Variants in ADAM2 observed in about 807,000 individuals in gnomAD.
The protein encoded by ADAM2 is disintegrin and metalloproteinase domain-containing protein 2.
A neutral mutation model predicts 99.3 loss-of-function variants in ADAM2; 101 were observed. That is an observed-to-expected ratio of 1.02 (90% confidence interval 0.87 to 1.20). ADAM2 has a LOEUF of 1.20. ADAM2 is among the 50% of genes most tolerant of loss of function. The pLI is 0.00. For missense variants in ADAM2, 948 were observed against 878.7 expected, an observed-to-expected ratio of 1.08 and a Z score of -1.00; for synonymous variants, 323 against 287.6, an observed-to-expected ratio of 1.12 and a Z score of -1.25.
chr8:39,793,563 A>G (rs1056975990), intron 7 of ADAM2, among the ~76,000 whole-genome samples: 2 of 152,120 alleles, frequency 1.3e-5, no homozygotes, highest in Non-Finnish European at 2.9e-5. Flanking sequence ...AATCAAGATC[A>G]AGACTGAAAA....
chr8:39,746,423 T>C (rs370795230), intron 19 of ADAM2, 49 bp downstream of exon 19: 139 of 1,245,360 alleles, frequency 1.1e-4, no homozygotes, highest in Non-Finnish European at 1.4e-4. Context: ...CTATTTACTA[T>C]GTTCATAAAT....
In ADAM2 at chr8:39,780,038, T is replaced by C. The variant is rs183093877; in HGVS notation, c.892-2877A>G. The stretch of plus-strand genomic sequence containing the variant: ...TAAAGACATACCCAAGACTGGGTAA[T>C]TTATAAAGAAAAAGAGGTTTAATGG... On this transcript the variant is annotated intron_variant, in intron 10 of 20. Coordinates refer to ENST00000265708, the MANE Select transcript of ADAM2 (RefSeq NM_001464.5). Among the ~76,000 whole-genome samples, 424 of 152,212 alleles carry C rather than the reference T, an allele frequency of 2.8e-3. 2 individuals carry two copies. The highest frequency in any genetic ancestry group is 9.8e-3 in the African/African-American group (409 of 41,536).
intron 6 of ADAM2, among the ~76,000 whole-genome samples, chr8:39,820,274 G>T (rs1805122849): frequency 1.3e-5 from 2 of 152,132 alleles, no homozygotes; most frequent in Admixed American, 6.6e-5. Flanking sequence ...AAGCTTCTTT[G>T]TGTGTCTTGA....
At chr8:39,790,760 C>T (rs1803677132) in intron 7 of ADAM2, among the ~76,000 whole-genome samples, 1 of 151,900 alleles carries the variant, frequency 6.6e-6, no homozygotes. Context: ...TCCAAATCTT[C>T]TCCTCTTTTC....
At chr8:39,814,717 G>A (rs1223707405) in intron 6 of ADAM2, among the ~76,000 whole-genome samples, 1 of 152,010 alleles carries the variant, frequency 6.6e-6, no homozygotes, top group Non-Finnish European at 1.5e-5. Flanking sequence ...GTCCATGTGT[G>A]TGTGTTTCAA....
chr8:39,744,731 C>T, intron 20 of ADAM2, 99 bp downstream of exon 20: 2 of 720,906 alleles, frequency 2.8e-6, no homozygotes, highest in Non-Finnish European at 4.5e-6. Flanking sequence ...CAGCAAACCA[C>T]CATGGCACAT....
intron 16 of ADAM2, among the ~76,000 whole-genome samples, chr8:39,754,997 T>A (rs1802091224): frequency 6.6e-6 from 1 of 152,208 alleles, no homozygotes; most frequent in African/African-American, 2.4e-5. Context: ...AATTAAGTTA[T>A]TACATCTCAG....
At chr8:39,795,775 T>C (rs1563363307) in intron 7 of ADAM2, among the ~76,000 whole-genome samples, 1 of 152,166 alleles carries the variant, frequency 6.6e-6, no homozygotes, top group African/African-American at 2.4e-5. Context: ...CTCAGATACT[T>C]TGTGGTTCAC....
At chr8:39,777,522 C>T (rs896368024) in intron 10 of ADAM2, among the ~76,000 whole-genome samples, 2 of 151,838 alleles carry the variant, frequency 1.3e-5, no homozygotes, top group Non-Finnish European at 2.9e-5. Flanking sequence ...TTGGTCATTA[C>T]CAGAGGCTGG....
intron 6 of ADAM2, among the ~76,000 whole-genome samples, chr8:39,814,584 G>C (rs1804860722): frequency 6.6e-6 from 1 of 152,114 alleles, no homozygotes; most frequent in Non-Finnish European, 1.5e-5. Flanking sequence ...GAAATATTCA[G>C]ATTTAAAAAC....
At chr8:39,830,286 G>A (rs1172024603) in intron 3 of ADAM2, among the ~76,000 whole-genome samples, 1 of 152,034 alleles carries the variant, frequency 6.6e-6, no homozygotes, top group Non-Finnish European at 1.5e-5. Flanking sequence ...TCAAATACAG[G>A]ACTACACTAT....
rs796200873 is a variant in ADAM2 at position 39,830,775 on chromosome 8, GA to G, written c.188+3168del. Among the ~76,000 whole-genome samples, 592 of 148,018 alleles carry G rather than the reference GA, an allele frequency of 4.0e-3. 9 individuals are homozygous for G. The highest frequency in any genetic ancestry group is 0.014 in the African/African-American group (556 of 40,422). Reference sequence around the variant, plus strand: ...TCCTCTGCAAGTTGCTAATAGAAACGAAAAAAAAAATCAATACCTGCTTCTG... The same window carrying G: ...TCCTCTGCAAGTTGCTAATAGAAACGAAAAAAAAATCAATACCTGCTTCTG... On this transcript the variant is annotated intron_variant, in intron 3 of 20. Coordinates refer to ENST00000265708, the MANE Select transcript of ADAM2 (RefSeq NM_001464.5).
intron 11 of ADAM2, among the ~76,000 whole-genome samples, chr8:39,773,224 AT>A (rs1802852884): frequency 6.6e-6 from 1 of 152,018 alleles, no homozygotes; most frequent in East Asian, 1.9e-4. Context: ...AATTGAAAAT[AT>A]TTCAACTAAC....
At chr8:39,811,374 C>A (rs2129587111) in intron 6 of ADAM2, among the ~76,000 whole-genome samples, 1 of 152,332 alleles carries the variant, frequency 6.6e-6, no homozygotes. Context: ...ACCATTCCTT[C>A]TGAAACTATT....
chr8:39,830,341 T>C (rs1203563214), intron 3 of ADAM2, among the ~76,000 whole-genome samples: 1 of 152,084 alleles, frequency 6.6e-6, no homozygotes, highest in Non-Finnish European at 1.5e-5. Context: ...ATCCAGCTGA[T>C]AGATTGTTTT....
At chr8:39,752,066 C>T (rs1801971285) in intron 16 of ADAM2, among the ~76,000 whole-genome samples, 1 of 152,086 alleles carries the variant, frequency 6.6e-6, no homozygotes, top group Non-Finnish European at 1.5e-5. Context: ...TTTTTAAAGG[C>T]ATAGTTGTAC....
chr8:39,761,137 G>T, intron 15 of ADAM2, 39 bp downstream of exon 15: 1 of 1,278,170 alleles, frequency 7.8e-7, no homozygotes, highest in South Asian at 1.5e-5. Context: ...AATATAAGGT[G>T]ATAAATAGAA....
At chr8:39,826,725 C>A (rs1358987831) in intron 3 of ADAM2, among the ~76,000 whole-genome samples, 44 of 148,132 alleles carry the variant, frequency 3.0e-4, no homozygotes, top group South Asian at 1.7e-3. Context: ...AAAAAAAAAA[C>A]AAAAAAACCA....
chr8:39,767,065 T>C (rs1802596895), intron 13 of ADAM2, 22 bp from the exon 14 acceptor site: 1 of 1,608,588 alleles, frequency 6.2e-7, no homozygotes, highest in South Asian at 1.1e-5. Flanking sequence ...AGGTAAATGA[T>C]ATTGAATTAA....
Sources: gnomAD v4.1 joint callset for allele counts (sites outside exome capture counted in the v4.1 genomes callset) on GRCh38, gnomAD v4.1.1 for gene constraint, MANE v1.5 for transcripts, NCBI Gene and HGNC (gene_info 2026-07-23, HGNC 2026-07-21) for gene names.